Variants in CSMD1 observed in about 807,000 individuals in gnomAD.
The protein encoded by CSMD1 is CUB and Sushi multiple domains 1, also known as CUB and sushi domain-containing protein 1.
In CSMD1, 213 loss-of-function variants were observed where a neutral mutation model predicts 417.5. That is an observed-to-expected ratio of 0.51 (90% CI 0.46 to 0.57). CSMD1 has a LOEUF of 0.57. CSMD1 is among the 20% of genes least tolerant of loss of function. The probability of loss-of-function intolerance (pLI) is 0.00; values close to 1 mark genes in which losing one functional copy is unlikely to be tolerated. For missense variants in CSMD1, 6,923 were observed against 4,529.7 expected (o/e 1.53, Z -15.17); for synonymous variants, 2,862 against 1,736.8 (o/e 1.65, Z -16.11).
At chr8:4,480,092 C>A (rs979866984) in intron 2 of CSMD1, among the ~76,000 whole-genome samples, 17 of 151,340 alleles carry the variant, frequency 1.1e-4, no homozygotes, top group African/African-American at 3.6e-4. Context: ...GTAGCTGAAC[C>A]ATGACCAGTT....
chr8:3,015,687 G>A (rs1808772271), intron 52 of CSMD1, among the ~76,000 whole-genome samples: 1 of 151,874 alleles, frequency 6.6e-6, no homozygotes, highest in South Asian at 2.1e-4. Context: ...ACCCCGGCAT[G>A]GTCCAGATGA....
chr8:4,273,808 C>A (rs1804752570), intron 3 of CSMD1, among the ~76,000 whole-genome samples: 1 of 152,234 alleles, frequency 6.6e-6, no homozygotes, highest in African/African-American at 2.4e-5. Flanking sequence ...CTGGTGAAAC[C>A]TGTACTGGTC....
intron 3 of CSMD1, among the ~76,000 whole-genome samples, chr8:4,274,149 A>G (rs1027926833): frequency 6.6e-6 from 1 of 152,266 alleles, no homozygotes; most frequent in African/African-American, 2.4e-5. Flanking sequence ...TCTAATACTC[A>G]CTAATGTATT....
intron 10 of CSMD1, among the ~76,000 whole-genome samples, chr8:3,497,226 C>A (rs1499684): frequency 0.75 from 113,112 of 151,750 alleles, 42,361 homozygotes; most frequent in Middle Eastern, 0.84. Context: ...TAATCTGTTC[C>A]ATGCTGAGAG....
chr8:4,463,069 A>C (rs891253476), intron 2 of CSMD1, among the ~76,000 whole-genome samples: 4 of 152,224 alleles, frequency 2.6e-5, no homozygotes, highest in Non-Finnish European at 4.4e-5. Flanking sequence ...CATCTGGAAT[A>C]CATAAAGATC....
intron 3 of CSMD1, among the ~76,000 whole-genome samples, chr8:4,327,642 A>C (rs921519679): frequency 1.3e-5 from 2 of 152,086 alleles, no homozygotes; most frequent in Admixed American, 6.6e-5. Flanking sequence ...ACAACAACAA[A>C]AAACAACAAA....
At chr8:4,757,959 CAAAA>C (rs35869578) in intron 1 of CSMD1, among the ~76,000 whole-genome samples, 2 of 72,054 alleles carry the variant, frequency 2.8e-5, no homozygotes, top group Admixed American at 1.6e-4. Flanking sequence ...GACTTTGTCT[CAAAA>C]AAAAAAAAAA....
At chr8:3,494,628 G>A (rs1010263417) in intron 10 of CSMD1, among the ~76,000 whole-genome samples, 6 of 151,962 alleles carry the variant, frequency 3.9e-5, no homozygotes, top group Non-Finnish European at 8.8e-5. Context: ...GTAGATAGAT[G>A]ACAGACTGGA....
chr8:4,198,488 G>T (rs1028908600), intron 3 of CSMD1, among the ~76,000 whole-genome samples: 5 of 152,026 alleles, frequency 3.3e-5, no homozygotes, highest in Admixed American at 1.3e-4. Flanking sequence ...AATCACTAGA[G>T]GATGAGAAAG....
chr8:2,984,252 A>G (rs976895526), intron 54 of CSMD1, among the ~76,000 whole-genome samples: 4 of 152,154 alleles, frequency 2.6e-5, no homozygotes, highest in African/African-American at 9.7e-5. Flanking sequence ...CCTCAACAGC[A>G]GTGACTGGGA....
At chr8:4,837,766 T>C (rs986977642) in intron 1 of CSMD1, among the ~76,000 whole-genome samples, 1 of 152,142 alleles carries the variant, frequency 6.6e-6, no homozygotes, top group African/African-American at 2.4e-5. Flanking sequence ...ACTACATTGT[T>C]TGTAACTCAA....
chr8:2,993,107 T>C (rs1385043796), intron 54 of CSMD1, among the ~76,000 whole-genome samples: 2 of 152,224 alleles, frequency 1.3e-5, no homozygotes, highest in Non-Finnish European at 2.9e-5. Flanking sequence ...CTTCATCCAG[T>C]ACTTGTGAAT....
At chr8:4,210,139 C>A (rs1280440774) in intron 3 of CSMD1, among the ~76,000 whole-genome samples, 1 of 152,212 alleles carries the variant, frequency 6.6e-6, no homozygotes, top group African/African-American at 2.4e-5. Flanking sequence ...CAAAGCATTT[C>A]TCCTGTCACT....
At chr8:3,224,058 T>C (rs143874658) in intron 27 of CSMD1, among the ~76,000 whole-genome samples, 191 bp from the exon 28 acceptor site, 2 of 152,218 alleles carry the variant, frequency 1.3e-5, no homozygotes, top group East Asian at 1.9e-4. Flanking sequence ...ACATTTTTCA[T>C]GTAACTGTTA....
At chr8:4,785,294 G>A (rs1279600118) in intron 1 of CSMD1, among the ~76,000 whole-genome samples, 1 of 152,140 alleles carries the variant, frequency 6.6e-6, no homozygotes, top group Non-Finnish European at 1.5e-5. Flanking sequence ...GGGGCACATT[G>A]GGCAAGTTAC....
chr8:3,325,838 AC>A (rs1370944481), intron 23 of CSMD1, among the ~76,000 whole-genome samples: 1 of 152,196 alleles, frequency 6.6e-6, no homozygotes, highest in Non-Finnish European at 1.5e-5. Flanking sequence ...AAAAACAAAA[AC>A]AAAAACAAAA....
intron 1 of CSMD1, among the ~76,000 whole-genome samples, chr8:4,809,077 C>T (rs1197596230): frequency 6.6e-6 from 1 of 152,094 alleles, no homozygotes; most frequent in Admixed American, 6.6e-5. Flanking sequence ...CCTCTGGCTG[C>T]AGAATAAAAC....
At chr8:4,269,794 G>A (rs1234814332) in intron 3 of CSMD1, among the ~76,000 whole-genome samples, 2 of 152,230 alleles carry the variant, frequency 1.3e-5, no homozygotes, top group Admixed American at 6.5e-5. Flanking sequence ...TTATATACAG[G>A]TGATACCCAA....
chr8:3,273,547 G>C (rs1319688968), intron 26 of CSMD1, among the ~76,000 whole-genome samples: 1 of 152,200 alleles, frequency 6.6e-6, no homozygotes, highest in Non-Finnish European at 1.5e-5. Flanking sequence ...ATTCGGTTGT[G>C]AGTCCATCTG....
Sources: allele counts gnomAD v4.1 joint callset (sites outside exome capture counted in the v4.1 genomes callset), GRCh38; gene constraint gnomAD v4.1.1; transcripts MANE v1.5; gene names NCBI Gene and HGNC (gene_info 2026-07-23, HGNC 2026-07-21).